Variants in VPS41 observed in about 807,000 individuals in gnomAD.
VPS41 encodes vacuolar protein sorting-associated protein 41 homolog.
Under a neutral mutation model 130.9 loss-of-function variants are expected in VPS41, and 85 were observed. The observed-to-expected ratio is 0.65, with a 90% CI of 0.55 to 0.78. The LOEUF is 0.78. Among genes scored for constraint, VPS41 ranks in the 30% least tolerant of loss-of-function variants. The pLI is 0.00. For missense variants in VPS41, 874 were observed against 1,018.7 expected, an observed-to-expected ratio of 0.86 and a Z score of 1.93; for synonymous variants, 335 against 332.9, an observed-to-expected ratio of 1.01 and a Z score of -0.07.
At chr7:38,862,675 C>A in intron 3 of VPS41, 53 bp from the exon 4 acceptor site, 1 of 1,100,386 alleles carries the variant, frequency 9.1e-7, no homozygotes, top group Non-Finnish European at 1.3e-6. Flanking sequence ...TATTAATACA[C>A]AAGTAGTAAC....
intron 25 of VPS41, among the ~76,000 whole-genome samples, chr7:38,730,180 G>T (rs1377873084): frequency 6.6e-6 from 1 of 152,180 alleles, no homozygotes; most frequent in Non-Finnish European, 1.5e-5. Context: ...TGTTTAGAGG[G>T]GGCACTTTGG....
At chr7:38,796,960 A>C in intron 7 of VPS41, 96 bp from the exon 8 acceptor site, 1 of 1,426,342 alleles carries the variant, frequency 7.0e-7, no homozygotes, top group Non-Finnish European at 9.7e-7. Flanking sequence ...TGACCAAATA[A>C]CAAACAAGTC....
rs1019362525 is a variant in VPS41, at chr7:38,774,001, G to A, written c.1012+114C>T. On this transcript the variant is annotated intron_variant, in intron 12 of 28. Transcript: ENST00000310301. ...TTTTCAGCACACACAGTCTACGCAG[G>A]TATTCTCTTAAGATTCTTTCAGCAC... The A allele has an allele frequency of 4.7e-6, 5 of 1,066,552 alleles. No individual in the cohort carries two copies. In the African/African-American group the frequency reaches 4.8e-5, roughly 10 times the overall value. 66.1% of individuals were successfully genotyped at this position (1,066,552 alleles called of 1,614,324 possible).
Position 38,899,460 on chromosome 7 carries a change from T to C in VPS41, c.22-1331A>G, listed in dbSNP as rs1252546983. On this transcript the variant is annotated intron_variant, in intron 1 of 28. Coordinates refer to ENST00000310301, the MANE Select transcript of VPS41 (RefSeq NM_014396.4). ...ATGACATGTATCATGTTCCACCTTC[T>C]AAAATGTTTCTCCTCTGCACTCACC... Among the ~76,000 whole-genome samples the C allele has an allele frequency of 4.6e-5, 7 of 152,348 alleles. 1 individual carries two copies. In the South Asian group the frequency reaches 6.2e-4, roughly 14 times the overall value.
intron 4 of VPS41, among the ~76,000 whole-genome samples, chr7:38,846,700 CA>C (rs1785731418): frequency 6.6e-6 from 1 of 152,026 alleles, no homozygotes; most frequent in Admixed American, 6.6e-5. Context: ...AGACACAAGG[CA>C]GGGAGATCAG....
chr7:38,817,476 G>A (rs1437600204), intron 7 of VPS41, among the ~76,000 whole-genome samples: 1 of 152,122 alleles, frequency 6.6e-6, no homozygotes, highest in Non-Finnish European at 1.5e-5. Flanking sequence ...AAATTAGCCA[G>A]GCACGATAGT....
intron 2 of VPS41, among the ~76,000 whole-genome samples, chr7:38,893,343 G>C (rs1786907292): frequency 2.0e-5 from 3 of 152,168 alleles, no homozygotes; most frequent in Admixed American, 2.0e-4. Context: ...AAGATTCTAG[G>C]CAGACTCACT....
intron 4 of VPS41, among the ~76,000 whole-genome samples, chr7:38,852,459 T>C (rs1223916360): frequency 6.6e-6 from 1 of 152,184 alleles, no homozygotes; most frequent in East Asian, 1.9e-4. Flanking sequence ...ATCTCCTTGG[T>C]TGTGGTCATT....
At chr7:38,807,194 C>T (rs1254393931) in intron 7 of VPS41, among the ~76,000 whole-genome samples, 1 of 152,168 alleles carries the variant, frequency 6.6e-6, no homozygotes, top group Non-Finnish European at 1.5e-5. Flanking sequence ...CCTTAAACCT[C>T]CCCAAAATCA....
chr7:38,767,460 A>C, intron 15 of VPS41, 77 bp downstream of exon 15: 1 of 950,208 alleles, frequency 1.1e-6, no homozygotes, highest in Non-Finnish European at 1.6e-6. Flanking sequence ...TCAACTGCAA[A>C]GAATGGCTTA....
At chr7:38,831,874 C>T (rs1785392956) in intron 4 of VPS41, among the ~76,000 whole-genome samples, 1 of 152,204 alleles carries the variant, frequency 6.6e-6, no homozygotes, top group Non-Finnish European at 1.5e-5. Flanking sequence ...TCCATTACAA[C>T]ATGTTTCTCA....
intron 21 of VPS41, among the ~76,000 whole-genome samples, chr7:38,754,033 A>ACT (rs1306152239): frequency 3.9e-4 from 60 of 152,344 alleles, no homozygotes; most frequent in Non-Finnish European, 7.8e-4. Flanking sequence ...TTTAAAGGAC[A>ACT]TAGAAAACAA....
rs1784629844 is a variant in VPS41 at position 38,796,799 on chromosome 7, C to T, written c.516G>A (p.Gly172=). ...CTCTCCACTTCACACTCCTTATGTT[C>T]CCTTCCCCTTCATGCAGAACAGCAG... ...WKSAVLHEGE[G]NIRSVKWRGH... Residue 172 remains glycine, a synonymous_variant, in exon 8 of 29, where the codon GGG becomes GGA. Transcript: ENST00000310301. 6.2e-7 allele frequency: 1 copy of T among 1,613,996 alleles called. No homozygotes were observed. The highest frequency in any genetic ancestry group is 8.5e-7 in the Non-Finnish European group (1 of 1,179,908).
intron 7 of VPS41, among the ~76,000 whole-genome samples, chr7:38,814,369 A>G (rs763232057): frequency 8.5e-5 from 13 of 152,192 alleles, no homozygotes; most frequent in South Asian, 2.1e-4. Flanking sequence ...TAAAGAACAC[A>G]GGCCGGGCGT....
intron 7 of VPS41, among the ~76,000 whole-genome samples, chr7:38,813,523 G>A (rs1303042332): frequency 6.6e-6 from 1 of 152,146 alleles, no homozygotes; most frequent in Non-Finnish European, 1.5e-5. Flanking sequence ...CTCATGGTAT[G>A]CAAATTATGT....
intron 4 of VPS41, among the ~76,000 whole-genome samples, chr7:38,845,754 T>C (rs1197404202): frequency 3.9e-5 from 6 of 152,222 alleles, no homozygotes; most frequent in Non-Finnish European, 7.3e-5. Context: ...CAATGAAGAA[T>C]TGCCAAGCAC....
chr7:38,857,132 T>C (rs185955163), intron 4 of VPS41, among the ~76,000 whole-genome samples: 1 of 152,286 alleles, frequency 6.6e-6, no homozygotes, highest in East Asian at 1.9e-4. Context: ...ATTAGTTTAA[T>C]CTCAAATCAA....
intron 9 of VPS41, among the ~76,000 whole-genome samples, chr7:38,790,360 C>T (rs2115947834): frequency 6.6e-6 from 1 of 152,112 alleles, no homozygotes; most frequent in East Asian, 1.9e-4. Flanking sequence ...ACAAGTAATT[C>T]AATATGTTAT....
intron 4 of VPS41, among the ~76,000 whole-genome samples, chr7:38,852,733 G>A (rs566102317): frequency 6.6e-6 from 1 of 152,296 alleles, no homozygotes; most frequent in South Asian, 2.1e-4. Flanking sequence ...CCCTGTCATG[G>A]TTCCCAGAGA....
Sources: allele counts gnomAD v4.1 joint callset (sites outside exome capture counted in the v4.1 genomes callset), GRCh38; gene constraint gnomAD v4.1.1; transcripts MANE v1.5; gene names NCBI Gene and HGNC (gene_info 2026-07-23, HGNC 2026-07-21).